Variants in OR52N4 observed in about 807,000 individuals in gnomAD.
OR52N4 encodes olfactory receptor 52N4.
In OR52N4, 15 loss-of-function variants were observed where a neutral mutation model predicts 15.0. The ratio of observed to expected loss-of-function variants is 1.00; its 90% CI spans 0.67 to 1.54. The LOEUF (loss-of-function observed/expected upper bound fraction) is 1.54. Ranked by LOEUF, OR52N4 falls within the 40% of genes most tolerant of loss-of-function variation. The pLI is 0.00. For synonymous variants in OR52N4, 143 were observed against 143.7 expected (o/e 1.00, Z 0.03); for missense variants, 421 against 394.0 (o/e 1.07, Z -0.58).
chr11:5,737,168 A>T, the OR52N4 span: 15 of 1,613,846 alleles, frequency 9.3e-6, no homozygotes, highest in Non-Finnish European at 1.3e-5. Context: ...TGGAATGGGG[A>T]GTGATCTAAG....
upstream of OR52N4, among the ~76,000 whole-genome samples, chr11:5,749,842 T>C (rs2134210301): frequency 6.6e-6 from 1 of 152,116 alleles, no homozygotes; most frequent in East Asian, 1.9e-4. Context: ...CAATATTACT[T>C]TTCCAATGAC....
the OR52N4 span, among the ~76,000 whole-genome samples, chr11:5,732,849 A>G: frequency 1.3e-5 from 2 of 152,138 alleles, no homozygotes; most frequent in African/African-American, 4.8e-5. Flanking sequence ...TAGGCACCTC[A>G]TATTGGTCAT....
the OR52N4 span, among the ~76,000 whole-genome samples, chr11:5,748,418 T>C: frequency 6.6e-6 from 1 of 151,814 alleles, no homozygotes; most frequent in East Asian, 1.9e-4. Flanking sequence ...TTTTTAATTA[T>C]TGTATCATAA....
Position 5,755,135 on chromosome 11 carries a change from T to G in OR52N4, c.395T>G (p.Leu132Ter). The change falls in exon 2 of 2, where the codon TTA (leucine) becomes TGA (stop). Residue 132 changes from leucine (L) to a stop codon, truncating the protein, a stop_gained. Transcript: ENST00000641350. LOFTEE classifies it high-confidence loss of function. ...LDRYVAICYP[L>*]RYSTILTNPV... ...CGCTATGTGGCCATCTGCTACCCCT[T>G]ACGCTATTCAACTATCCTCACCAAT... is the stretch of plus-strand genomic sequence containing the variant. The G allele has an allele frequency of 6.2e-7, 1 of 1,614,070 alleles. No individual in the cohort carries two copies. The highest frequency in any genetic ancestry group is 1.7e-5 in the Admixed American group (1 of 59,994).
At chr11:5,747,899 T>C in the OR52N4 span, among the ~76,000 whole-genome samples, 16 of 152,182 alleles carry the variant, frequency 1.1e-4, no homozygotes, top group Middle Eastern at 3.4e-3. Flanking sequence ...GACAACTGTA[T>C]CTTATCAACT....
chr11:5,736,492 A>T, the OR52N4 span: 1 of 1,608,384 alleles, frequency 6.2e-7, no homozygotes, highest in Non-Finnish European at 8.5e-7. Context: ...CAATACAAAT[A>T]GAGATTTGAA....
chr11:5,745,442 T>C, the OR52N4 span, among the ~76,000 whole-genome samples: 1 of 152,042 alleles, frequency 6.6e-6, no homozygotes, highest in Non-Finnish European at 1.5e-5. Context: ...TCAATTTCAT[T>C]AACAATAACT....
At chr11:5,733,714 T>G in the OR52N4 span, among the ~76,000 whole-genome samples, 10 of 152,100 alleles carry the variant, frequency 6.6e-5, no homozygotes, top group African/African-American at 2.4e-4. Flanking sequence ...GCCTAACATG[T>G]TTTTCAAACA....
chr11:5,736,921 T>G, the OR52N4 span: 1 of 1,613,948 alleles, frequency 6.2e-7, no homozygotes, highest in Non-Finnish European at 8.5e-7. Flanking sequence ...ATGTGGCTAT[T>G]TGTCACCCTC....
the OR52N4 span, among the ~76,000 whole-genome samples, chr11:5,748,221 A>G: frequency 2.2e-4 from 33 of 152,056 alleles, no homozygotes; most frequent in African/African-American, 7.5e-4. Flanking sequence ...TAGTTAATGC[A>G]TAGCAATACA....
chr11:5,754,861 A>T lies in OR52N4; in HGVS notation c.121A>T (p.Met41Leu), dbSNP rs531569145. Residue 41 changes from methionine to leucine, a missense_variant, in exon 2 of 2, where the codon ATG (methionine) becomes TTG (leucine). Physicochemically the swap from Met to Leu is conservative, Grantham distance 15 (BLOSUM62 2). Coordinates refer to ENST00000641350, the MANE Select transcript of OR52N4 (RefSeq NM_001005175.5). ...ATTCTGCTCTATGTATGTTGTGGCTATGGTAGGGAATTGTGGACTCCTCTA... is the reference window on the plus strand; with the variant it reads ...ATTCTGCTCTATGTATGTTGTGGCTTTGGTAGGGAATTGTGGACTCCTCTA... ...FPFCSMYVVA[M>L]VGNCGLLYLI... 1.1e-5 allele frequency: 17 copies of T among 1,613,820 alleles called. No individual in the cohort carries two copies. Among genetic ancestry groups the T allele is most frequent in the Admixed American group, 1.7e-5 (1 of 59,990 alleles).
chr11:5,730,189 A>AAT, the OR52N4 span, among the ~76,000 whole-genome samples: 1 of 110,218 alleles, frequency 9.1e-6, no homozygotes, highest in Non-Finnish European at 1.8e-5. Flanking sequence ...AGCAGTAACC[A>AAT]TTTTTTTTTT....
At chr11:5,749,277 T>C (rs1854140682), upstream of OR52N4, among the ~76,000 whole-genome samples, 1 of 152,000 alleles carries the variant, frequency 6.6e-6, no homozygotes, top group Non-Finnish European at 1.5e-5. Context: ...GTCAGCAAGA[T>C]AAAGTGAAGA....
chr11:5,753,715 G>A (rs557636196), upstream of OR52N4, among the ~76,000 whole-genome samples: 17 of 152,072 alleles, frequency 1.1e-4, no homozygotes, highest in African/African-American at 2.7e-4. Flanking sequence ...TTAAAGGGCC[G>A]GGCACAGTGG....
the OR52N4 span, among the ~76,000 whole-genome samples, chr11:5,728,470 C>A: frequency 1.3e-5 from 2 of 152,192 alleles, no homozygotes; most frequent in African/African-American, 2.4e-5. Flanking sequence ...TCTGTCCACT[C>A]CTCACCAAAT....
the OR52N4 span, among the ~76,000 whole-genome samples, chr11:5,729,797 G>T: frequency 6.6e-6 from 1 of 152,276 alleles, no homozygotes; most frequent in East Asian, 1.9e-4. Context: ...AAAATGAAAT[G>T]ACAAGGAATA....
the OR52N4 span, among the ~76,000 whole-genome samples, chr11:5,749,231 C>T: frequency 1.3e-5 from 2 of 151,784 alleles, no homozygotes; most frequent in African/African-American, 4.8e-5. Context: ...TAAAAATATG[C>T]AAAAGAGGGG....
the OR52N4 span, chr11:5,736,679 C>T: frequency 6.2e-7 from 1 of 1,614,028 alleles, no homozygotes. Context: ...CACCCTCATC[C>T]TCATCATCAT....
At chr11:5,739,124 C>T in the OR52N4 span, among the ~76,000 whole-genome samples, 2 of 102,396 alleles carry the variant, frequency 2.0e-5, 1 homozygote, top group Non-Finnish European at 4.2e-5. Context: ...AGAAAAGACT[C>T]CATGCCCTTT....
Sources: allele counts gnomAD v4.1 joint callset (sites outside exome capture counted in the v4.1 genomes callset), GRCh38; gene constraint gnomAD v4.1.1; transcripts MANE v1.5; gene names NCBI Gene and HGNC (gene_info 2026-07-23, HGNC 2026-07-21).